PLCE1: variants seen among roughly 807,000 people sequenced by gnomAD.
The protein encoded by PLCE1 is 1-phosphatidylinositol 4,5-bisphosphate phosphodiesterase epsilon-1.
PLCE1 carries 119 observed loss-of-function variants against 242.8 expected under a neutral mutation model. The ratio of observed to expected loss-of-function variants is 0.49; its 90% CI spans 0.42 to 0.57. PLCE1 has a LOEUF of 0.57. PLCE1 is among the 20% of genes least tolerant of loss of function. PLCE1 has a pLI of 0.00. For missense variants in PLCE1, 2,441 were observed against 2,788.8 expected (o/e 0.88, Z 2.81); for synonymous variants, 945 against 1,017.4 (o/e 0.93, Z 1.35).
intron 8 of PLCE1, among the ~76,000 whole-genome samples, chr10:94,248,707 T>G (rs1160401264): frequency 6.6e-6 from 1 of 151,812 alleles, no homozygotes. Context: ...ATTGTGAATG[T>G]CAGTTTTTAA....
chr10:94,023,097 GATGAGAGCAATTA>G (rs1412115874), intron 1 of PLCE1, among the ~76,000 whole-genome samples: 2 of 152,152 alleles, frequency 1.3e-5, no homozygotes, highest in African/African-American at 4.8e-5. Flanking sequence ...ACAGGAAACA[GATGAGAGCAATTA>G]ATGCGGACAG....
intron 7 of PLCE1, among the ~76,000 whole-genome samples, chr10:94,243,697 T>C (rs1214118987): frequency 6.6e-6 from 1 of 152,218 alleles, no homozygotes; most frequent in Admixed American, 6.5e-5. Flanking sequence ...CCTAAACTTC[T>C]TATTTCCCTT....
At chr10:94,185,030 G>A (rs1365023170) in intron 4 of PLCE1, among the ~76,000 whole-genome samples, 3 of 152,126 alleles carry the variant, frequency 2.0e-5, no homozygotes, top group Non-Finnish European at 4.4e-5. Context: ...GCAAGACATG[G>A]GTCATTTTGT....
At chr10:94,124,381 GAA>G (rs981911349) in intron 2 of PLCE1, among the ~76,000 whole-genome samples, 4 of 58,608 alleles carry the variant, frequency 6.8e-5, no homozygotes, top group Non-Finnish European at 7.6e-5. Context: ...TTGTCTCAGA[GAA>G]AAAAAAAAAA....
rs190678505 is a variant in PLCE1, at chr10:94,279,051, G to A, written c.4666-731G>A. ...CAGACAACCATTGCTTACTGACCCC[G>A]TTCCTCTACCCCGTTTAGATTGTTT... is the stretch of plus-strand genomic sequence containing the variant. On this transcript the variant is annotated intron_variant, in intron 19 of 32. Transcript: ENST00000371380. Among the ~76,000 whole-genome samples the A allele has an allele frequency of 4.1e-3, 619 of 151,986 alleles. 2 individuals carry two copies. Among genetic ancestry groups the A allele is most frequent in the African/African-American group, 8.2e-3 (341 of 41,458 alleles).
At chr10:94,279,102 G>A (rs187560978) in intron 19 of PLCE1, among the ~76,000 whole-genome samples, 27 of 152,160 alleles carry the variant, frequency 1.8e-4, no homozygotes, top group African/African-American at 6.0e-4. Flanking sequence ...TGCAAGTAAC[G>A]TTTCCTATAT....
rs1293055896 is a variant in PLCE1, at chr10:94,324,874, G to C, written c.6721-18G>C. 1 of 1,612,866 alleles carries C rather than the reference G, an allele frequency of 6.2e-7. No homozygotes were observed. The highest frequency in any genetic ancestry group is 1.1e-5 in the South Asian group (1 of 91,012). On this transcript the variant is annotated intron_variant, in intron 31 of 32. Transcript: ENST00000371380. ...TGAGTTTAACCTAACACCAATGGAA[G>C]GTTCTTTGTTCCCACAGGCATCTCG... is the stretch of plus-strand genomic sequence containing the variant.
At chr10:94,172,802 G>A (rs1204150842) in intron 4 of PLCE1, among the ~76,000 whole-genome samples, 1 of 152,140 alleles carries the variant, frequency 6.6e-6, no homozygotes, top group Non-Finnish European at 1.5e-5. Flanking sequence ...ACTCCAGCCT[G>A]GGTGACAGAG....
chr10:94,211,248 A>G (rs1239876134), intron 4 of PLCE1, among the ~76,000 whole-genome samples: 1 of 152,144 alleles, frequency 6.6e-6, no homozygotes, highest in East Asian at 1.9e-4. Context: ...CTCCTTATCC[A>G]CCACTTCTTC....
chr10:94,004,103 G>A (rs1027975755), intron 1 of PLCE1, among the ~76,000 whole-genome samples: 3 of 151,786 alleles, frequency 2.0e-5, no homozygotes, highest in African/African-American at 4.8e-5. Context: ...CTGAGATCGC[G>A]CCACTGCACT....
At chr10:94,056,652 A>G (rs879337061) in intron 2 of PLCE1, among the ~76,000 whole-genome samples, 12 of 152,196 alleles carry the variant, frequency 7.9e-5, no homozygotes, top group Non-Finnish European at 1.5e-4. Context: ...GATAACTCAC[A>G]TAATATAAAA....
intron 4 of PLCE1, among the ~76,000 whole-genome samples, chr10:94,216,331 C>T (rs951794507): frequency 1.3e-5 from 2 of 152,102 alleles, no homozygotes; most frequent in Non-Finnish European, 2.9e-5. Flanking sequence ...AGGAGGGACA[C>T]GTCAGGCTTG....
Position 94,314,425 on chromosome 10 carries a change from C to A in PLCE1, c.6132+1043C>A, listed in dbSNP as rs550544821. 6.8e-4 allele frequency among the ~76,000 whole-genome samples: 103 copies of A among 152,234 alleles called. 1 individual carries two copies. Among genetic ancestry groups the A allele is most frequent in the African/African-American group, 2.4e-3 (101 of 41,542 alleles). ...TAATCCTGGCCAACATGGTGAAACC[C>A]CATCTCTACTAAAAATACAAATATT... On this transcript the variant is annotated intron_variant, in intron 28 of 32. Transcript: ENST00000371380.
Position 94,246,139 on chromosome 10 carries a change from C to T in PLCE1, c.2614C>T (p.Gln872Ter). 1 of 1,614,106 alleles carries T rather than the reference C, an allele frequency of 6.2e-7. No individual in the cohort carries two copies. Among genetic ancestry groups the T allele is most frequent in the Non-Finnish European group, 8.5e-7 (1 of 1,180,014 alleles). The change falls in exon 8 of 33, where the codon CAG becomes TAG. Residue 872 changes from glutamine to a stop codon, truncating the protein, a stop_gained. Coordinates refer to ENST00000371380, the MANE Select transcript of PLCE1 (RefSeq NM_016341.4). LOFTEE classifies it high-confidence loss of function. ...GGGGGCCACGGTCATCCACTACGAC[C>T]AGGACACACACCTCTCTGCCCGCTG... Reference protein sequence around the residue: ...LQGATVIHYDQDTHLSARCFL... With the variant: ...LQGATVIHYD
rs188419965 is a variant in PLCE1, at chr10:94,104,528, T to G, written c.1207-27646T>G. The G allele has an allele frequency of 5.3e-5, 8 of 152,338 alleles. 1 individual carries two copies. The East Asian group carries it at 1.5e-3, about 29-fold the overall frequency. The allele number at this position is 152,338 out of a possible 1,614,324, so 9.4% of individuals were successfully genotyped here. ...GTCAGAGCCTGTTTATTTTGATGAT[T>G]GATTTTGTGAGAGTGATTTGTTGAA... On this transcript the variant is annotated intron_variant, in intron 2 of 32. Coordinates refer to ENST00000371380, the MANE Select transcript of PLCE1 (RefSeq NM_016341.4).
chr10:94,247,289 G>A (rs2050718606), intron 8 of PLCE1, among the ~76,000 whole-genome samples: 1 of 151,424 alleles, frequency 6.6e-6, no homozygotes, highest in Admixed American at 6.6e-5. Context: ...GCAGATGGGA[G>A]AACTATAATG....
At chr10:93,999,703 C>T (rs1048351796) in intron 1 of PLCE1, among the ~76,000 whole-genome samples, 5 of 152,144 alleles carry the variant, frequency 3.3e-5, no homozygotes, top group African/African-American at 9.7e-5. Flanking sequence ...TTCCTGCAGC[C>T]GCCTCGCTCA....
At position 94,251,109 on chromosome 10, in the gene PLCE1, G is replaced by A. The variant is rs150577377; in HGVS notation, c.3097-1207G>A. ...TTTCATCTTGATTGACACACCCATC[G>A]AGACTATATCCAGTGGAGAATAGAC... On this transcript the variant is annotated intron_variant, in intron 8 of 32. Coordinates refer to ENST00000371380, the MANE Select transcript of PLCE1 (RefSeq NM_016341.4). 1.4e-4 allele frequency among the ~76,000 whole-genome samples: 22 copies of A among 152,260 alleles called. No individual in the cohort carries two copies. In the East Asian group the frequency reaches 4.2e-3, roughly 29 times the overall value.
intron 24 of PLCE1, among the ~76,000 whole-genome samples, chr10:94,301,101 T>G (rs1230332195): frequency 6.6e-6 from 1 of 151,814 alleles, no homozygotes; most frequent in Non-Finnish European, 1.5e-5. Context: ...TCCCAGCACT[T>G]TGGGAGGCCA....
Sources: gnomAD v4.1 joint callset for allele counts (sites outside exome capture counted in the v4.1 genomes callset) on GRCh38, gnomAD v4.1.1 for gene constraint, MANE v1.5 for transcripts, NCBI Gene and HGNC (gene_info 2026-07-23, HGNC 2026-07-21) for gene names.